The following LHFPL3 variants were observed in gnomAD, a reference collection of about 807,000 sequenced individuals.
LHFPL3 encodes the protein LHFPL tetraspan subfamily member 3 protein.
Under a neutral mutation model 19.3 loss-of-function variants are expected in LHFPL3, and 5 were observed. The ratio of observed to expected loss-of-function variants is 0.26; its 90% confidence interval spans 0.14 to 0.54. The LOEUF (loss-of-function observed/expected upper bound fraction) is 0.54. Among genes scored for constraint, LHFPL3 ranks in the 20% least tolerant of loss-of-function variants. LHFPL3 has a pLI of 0.94. For missense variants in LHFPL3, 249 were observed against 307.4 expected (o/e 0.81, Z 1.42); for synonymous variants, 133 against 126.2 (o/e 1.05, Z -0.36).
intron 2 of LHFPL3, among the ~76,000 whole-genome samples, chr7:104,824,589 AT>A (rs1562804837): frequency 2.6e-5 from 2 of 76,880 alleles, no homozygotes; most frequent in African/African-American, 1.1e-4. Flanking sequence ...TATAATATAT[AT>A]AATTATATAT....
chr7:104,490,174 C>T (rs899586422), intron 1 of LHFPL3, among the ~76,000 whole-genome samples: 1 of 152,048 alleles, frequency 6.6e-6, no homozygotes, highest in African/African-American at 2.4e-5. Flanking sequence ...CCTAATAGTC[C>T]AGAGTTTTTT....
At chr7:104,345,823 TG>T (rs1790053677) in intron 1 of LHFPL3, among the ~76,000 whole-genome samples, 1 of 152,144 alleles carries the variant, frequency 6.6e-6, no homozygotes, top group Non-Finnish European at 1.5e-5. Flanking sequence ...TTCTAGCAAT[TG>T]CTATTGTACT....
chr7:104,665,919 G>C (rs575437871), intron 1 of LHFPL3, among the ~76,000 whole-genome samples: 4 of 152,146 alleles, frequency 2.6e-5, no homozygotes, highest in South Asian at 2.1e-4. Context: ...CTCTTACTAC[G>C]CAGTGTTCTC....
At chr7:104,479,096 T>C (rs1015625961) in intron 1 of LHFPL3, among the ~76,000 whole-genome samples, 2 of 152,130 alleles carry the variant, frequency 1.3e-5, no homozygotes, top group African/African-American at 4.8e-5. Context: ...TATCTCTAGC[T>C]CATGTGGTGG....
At position 104,801,609 on chromosome 7, in the gene LHFPL3, T is replaced by C. The variant is rs1790248420; in HGVS notation, c.682+64698T>C. Among the ~76,000 whole-genome samples, 4 of 152,200 alleles carry C rather than the reference T, an allele frequency of 2.6e-5. 1 individual carries two copies. In the South Asian group the frequency reaches 6.2e-4, roughly 24 times the overall value. Reference sequence around the variant, plus strand: ...TTTTTGAGATGGAGTCTCGGTCTATTGCCCAGACTGGAGTGCAGTGGCGCG... The same window carrying C: ...TTTTTGAGATGGAGTCTCGGTCTATCGCCCAGACTGGAGTGCAGTGGCGCG... On this transcript the variant is annotated intron_variant, in intron 2 of 2. Transcript: ENST00000424859.
At chr7:104,533,053 C>A (rs909130323) in intron 1 of LHFPL3, among the ~76,000 whole-genome samples, 2 of 152,218 alleles carry the variant, frequency 1.3e-5, no homozygotes, top group Admixed American at 1.3e-4. Flanking sequence ...TACATTTACT[C>A]ATGGCTATAT....
chr7:104,395,853 C>A (rs73712121), intron 1 of LHFPL3, among the ~76,000 whole-genome samples: 2,337 of 152,250 alleles, frequency 0.015, 52 homozygotes, highest in African/African-American at 0.053. Flanking sequence ...TTAGACTTTG[C>A]AACACTCTCA....
At chr7:104,710,908 A>T (rs1793289141) in intron 1 of LHFPL3, among the ~76,000 whole-genome samples, 1 of 152,040 alleles carries the variant, frequency 6.6e-6, no homozygotes, top group African/African-American at 2.4e-5. Flanking sequence ...GGGAGTCTGG[A>T]CTCTCCAATA....
chr7:104,381,725 C>T (rs1426718804), intron 1 of LHFPL3, among the ~76,000 whole-genome samples: 1 of 152,182 alleles, frequency 6.6e-6, no homozygotes, highest in Non-Finnish European at 1.5e-5. Flanking sequence ...TTATTATTTA[C>T]CTGATGAATC....
In LHFPL3 at chr7:104,431,280, T is replaced by C. The variant is rs191382140; in HGVS notation, c.445+102056T>C. Among the ~76,000 whole-genome samples, 318 of 152,376 alleles carry C rather than the reference T, an allele frequency of 2.1e-3. 4 individuals carry two copies. Among genetic ancestry groups the C allele is most frequent in the Non-Finnish European group, 3.3e-3 (225 of 68,036 alleles). ...CATCAGATGCTTCTCAGGCTTTCTC[T>C]TGGCCCCTCTGCCATAATTATGCCA... On this transcript the variant is annotated intron_variant, in intron 1 of 2. Transcript: ENST00000424859.
intron 1 of LHFPL3, among the ~76,000 whole-genome samples, chr7:104,634,174 C>T (rs1411310677): frequency 6.6e-6 from 1 of 152,008 alleles, no homozygotes; most frequent in East Asian, 1.9e-4. Context: ...ATATGAGGTC[C>T]CTATGTCATT....
At chr7:104,664,367 A>G (rs968383193) in intron 1 of LHFPL3, among the ~76,000 whole-genome samples, 6 of 152,206 alleles carry the variant, frequency 3.9e-5, no homozygotes, top group Admixed American at 2.0e-4. Context: ...AATAATACAA[A>G]TTTTTTAATT....
intron 2 of LHFPL3, among the ~76,000 whole-genome samples, chr7:104,807,219 C>G (rs1438605196): frequency 1.3e-5 from 2 of 152,016 alleles, no homozygotes; most frequent in South Asian, 2.1e-4. Flanking sequence ...CAGACATGCA[C>G]AGAGAGAGCA....
chr7:104,828,875 A>C (rs1790875912), intron 2 of LHFPL3, among the ~76,000 whole-genome samples: 1 of 151,724 alleles, frequency 6.6e-6, no homozygotes, highest in African/African-American at 2.4e-5. Flanking sequence ...TCTCCACTAA[A>C]AATACAAAAA....
intron 1 of LHFPL3, among the ~76,000 whole-genome samples, chr7:104,598,123 A>G (rs1472171763): frequency 1.3e-5 from 2 of 152,220 alleles, no homozygotes; most frequent in Non-Finnish European, 2.9e-5. Flanking sequence ...TATGAAGCCC[A>G]CAGCAGCAGA....
chr7:104,625,597 T>C (rs1197732951), intron 1 of LHFPL3, among the ~76,000 whole-genome samples: 1 of 152,174 alleles, frequency 6.6e-6, no homozygotes, highest in South Asian at 2.1e-4. Context: ...CATATTATCC[T>C]CTTTATCATT....
At chr7:104,669,470 A>T in intron 1 of LHFPL3, 5 of 1,612,732 alleles carry the variant, frequency 3.1e-6, no homozygotes, top group Non-Finnish European at 4.2e-6. Context: ...CCTGAGCCAA[A>T]GAAACCTGAG....
intron 2 of LHFPL3, among the ~76,000 whole-genome samples, chr7:104,817,177 G>A (rs552062756): frequency 1.2e-4 from 18 of 152,208 alleles, no homozygotes; most frequent in African/African-American, 4.3e-4. Flanking sequence ...GGGCTACGTT[G>A]CCAGTCTTCG....
chr7:104,630,517 C>A (rs1791620981), intron 1 of LHFPL3, among the ~76,000 whole-genome samples: 1 of 152,096 alleles, frequency 6.6e-6, no homozygotes, highest in East Asian at 1.9e-4. Flanking sequence ...TGCATAGAGA[C>A]CATTGACAGG....
Sources: allele counts gnomAD v4.1 joint callset (sites outside exome capture counted in the v4.1 genomes callset), GRCh38; gene constraint gnomAD v4.1.1; transcripts MANE v1.5; gene names NCBI Gene and HGNC (gene_info 2026-07-23, HGNC 2026-07-21).